The following EYS variants were observed in gnomAD, a reference collection of about 807,000 sequenced individuals.
The protein encoded by EYS is EGF-like photoreceptor maintenance factor.
Under a neutral mutation model 282.1 loss-of-function variants are expected in EYS, and 250 were observed. The observed-to-expected ratio is 0.89, with a 90% CI of 0.80 to 0.98. The LOEUF (loss-of-function observed/expected upper bound fraction) is 0.98, where lower values mean the gene tolerates loss of function less well. Ranked by LOEUF, EYS falls within the 50% of genes least tolerant of loss-of-function variation. The pLI, the probability that EYS is intolerant of heterozygous loss-of-function variation, is 0.00. For missense variants in EYS, 4,016 were observed against 3,709.0 expected (o/e 1.08, Z -2.15); for synonymous variants, 1,355 against 1,282.9 (o/e 1.06, Z -1.20).
intron 33 of EYS, among the ~76,000 whole-genome samples, chr6:64,023,725 T>TGGGCAGGCCAA (rs965990570): frequency 6.6e-6 from 1 of 152,240 alleles, no homozygotes; most frequent in Non-Finnish European, 1.5e-5. Context: ...AGCCCCTTTC[T>TGGGCAGGCCAA]GGGCAGGCCA....
chr6:65,335,464 A>G (rs1168069540), intron 10 of EYS, among the ~76,000 whole-genome samples: 2 of 151,806 alleles, frequency 1.3e-5, no homozygotes, highest in Admixed American at 6.6e-5. Context: ...GAATCGCCTT[A>G]CAAAACACTT....
At chr6:64,748,037 A>G (rs1031318144) in intron 22 of EYS, among the ~76,000 whole-genome samples, 5 of 152,198 alleles carry the variant, frequency 3.3e-5, no homozygotes, top group African/African-American at 1.2e-4. Context: ...TCCCAAATAA[A>G]TGTCATCAAG....
rs193184986 is a variant in EYS at position 65,371,919 on chromosome 6, C to T, written c.1299+12467G>A. ...ATCCTACCCGAATGCAAATTGTACT[C>T]ATATGGAATTCTAATTCGAGCTTTA... On this transcript the variant is annotated intron_variant, in intron 8 of 42. Coordinates refer to ENST00000503581, the MANE Select transcript of EYS (RefSeq NM_001142800.2). 7.3e-5 allele frequency among the ~76,000 whole-genome samples: 11 copies of T among 151,114 alleles called. No individual in the cohort carries two copies. In the East Asian group the frequency reaches 2.2e-3, roughly 30 times the overall value.
chr6:65,461,448 T>A (rs1764823977), intron 5 of EYS, among the ~76,000 whole-genome samples: 1 of 152,126 alleles, frequency 6.6e-6, no homozygotes, highest in African/African-American at 2.4e-5. Context: ...AGTGCTGAGC[T>A]ACATCACCCA....
At chr6:64,891,964 TTTTAA>T (rs1277777867) in intron 18 of EYS, among the ~76,000 whole-genome samples, 5 of 152,136 alleles carry the variant, frequency 3.3e-5, no homozygotes, top group Non-Finnish European at 7.4e-5. Context: ...TAATTCATAT[TTTTAA>T]TTTGACATTG....
At chr6:64,763,027 T>G (rs1245857589) in intron 22 of EYS, among the ~76,000 whole-genome samples, 1 of 152,218 alleles carries the variant, frequency 6.6e-6, no homozygotes. Context: ...ATGGGAATTA[T>G]GAACACAATA....
intron 31 of EYS, among the ~76,000 whole-genome samples, chr6:64,133,584 A>G (rs1366815949): frequency 1.3e-5 from 2 of 151,992 alleles, no homozygotes; most frequent in South Asian, 2.1e-4. Flanking sequence ...ATCGATTTAT[A>G]TTTATATGCA....
intron 5 of EYS, among the ~76,000 whole-genome samples, chr6:65,468,047 C>A (rs1312824435): frequency 1.3e-5 from 2 of 152,090 alleles, no homozygotes; most frequent in African/African-American, 4.8e-5. Context: ...AAACTAGACT[C>A]TCAGTGGTTT....
Position 65,324,368 on chromosome 6 carries a change from G to A in EYS, c.1766+10612C>T, listed in dbSNP as rs558500041. 2.8e-4 allele frequency among the ~76,000 whole-genome samples: 42 copies of A among 152,192 alleles called. 2 individuals are homozygous for A. The highest frequency in any genetic ancestry group is 6.7e-4 in the African/African-American group (28 of 41,528). On this transcript the variant is annotated intron_variant, in intron 11 of 42. Transcript: ENST00000503581. ...TAAGGAAAATTTGTTAATGAATGACGGAAAGGAAGGAGCCAGATTTCCAGT... is the reference window on the plus strand; with the variant it reads ...TAAGGAAAATTTGTTAATGAATGACAGAAAGGAAGGAGCCAGATTTCCAGT...
chr6:64,526,011 GAACA>G (rs778585557), intron 26 of EYS, among the ~76,000 whole-genome samples: 1 of 151,696 alleles, frequency 6.6e-6, no homozygotes, highest in East Asian at 1.9e-4. Flanking sequence ...CAAATAAATG[GAACA>G]AACTATTAAT....
intron 31 of EYS, among the ~76,000 whole-genome samples, chr6:64,132,779 CA>C (rs1339767397): frequency 6.7e-6 from 1 of 149,742 alleles, no homozygotes; most frequent in Non-Finnish European, 1.5e-5. Flanking sequence ...TAAAATAAAC[CA>C]AAGAAACAAA....
chr6:64,204,342 A>G (rs555014394), intron 31 of EYS, among the ~76,000 whole-genome samples: 10 of 152,300 alleles, frequency 6.6e-5, no homozygotes, highest in South Asian at 2.1e-4. Context: ...AACCTACCCT[A>G]TGCAATTTCA....
intron 12 of EYS, among the ~76,000 whole-genome samples, chr6:65,121,820 A>C (rs1031350156): frequency 9.9e-5 from 15 of 152,102 alleles, no homozygotes; most frequent in South Asian, 2.1e-4. Context: ...CCCTAGGTAA[A>C]ATTTAAAGCA....
chr6:64,158,215 C>A (rs975636323), intron 31 of EYS, among the ~76,000 whole-genome samples: 1 of 152,166 alleles, frequency 6.6e-6, no homozygotes, highest in African/African-American at 2.4e-5. Flanking sequence ...CTAGGATGTA[C>A]ACTCCATGAT....
At chr6:64,986,216 T>A (rs1307012488) in intron 14 of EYS, among the ~76,000 whole-genome samples, 1 of 151,518 alleles carries the variant, frequency 6.6e-6, no homozygotes, top group African/African-American at 2.4e-5. Context: ...AAGAAAAACT[T>A]TTATCAGAAG....
chr6:65,670,348 A>G (rs989769342), intron 1 of EYS, among the ~76,000 whole-genome samples: 9 of 152,042 alleles, frequency 5.9e-5, no homozygotes, highest in African/African-American at 2.2e-4. Context: ...CTTTGGGTTT[A>G]GGGGTGGTAA....
chr6:65,476,124 T>C (rs1765395834), intron 5 of EYS, among the ~76,000 whole-genome samples: 1 of 152,012 alleles, frequency 6.6e-6, no homozygotes, highest in African/African-American at 2.4e-5. Context: ...TTAGAGAAGC[T>C]CCCGTTTTTT....
At chr6:64,451,380 C>G (rs1470296692) in intron 26 of EYS, among the ~76,000 whole-genome samples, 1 of 151,882 alleles carries the variant, frequency 6.6e-6, no homozygotes, top group African/African-American at 2.4e-5. Flanking sequence ...GCTTACCAAC[C>G]AAAAAAAGTG....
At chr6:65,249,445 C>T (rs1767262191) in intron 12 of EYS, among the ~76,000 whole-genome samples, 3 of 151,924 alleles carry the variant, frequency 2.0e-5, no homozygotes, top group Admixed American at 2.0e-4. Flanking sequence ...TCCAGTATTT[C>T]ATGCAAGGTC....
Sources: gnomAD v4.1 joint callset for allele counts (sites outside exome capture counted in the v4.1 genomes callset) on GRCh38, gnomAD v4.1.1 for gene constraint, MANE v1.5 for transcripts, NCBI Gene and HGNC (gene_info 2026-07-23, HGNC 2026-07-21) for gene names.